Variants in PTPRD observed in about 807,000 individuals in gnomAD.
PTPRD encodes the protein receptor-type tyrosine-protein phosphatase delta.
PTPRD carries 34 observed loss-of-function variants against 214.5 expected under a neutral mutation model. The ratio of observed to expected loss-of-function variants is 0.16; its 90% CI spans 0.12 to 0.21. PTPRD has a LOEUF of 0.21. Among genes scored for constraint, PTPRD ranks in the 10% least tolerant of loss-of-function variants. PTPRD has a pLI of 1.00. For missense variants in PTPRD, 2,545 were observed against 2,398.7 expected (o/e 1.06, Z -1.27); for synonymous variants, 1,128 against 845.7 (o/e 1.33, Z -5.79).
intron 34 of PTPRD, among the ~76,000 whole-genome samples, chr9:8,448,167 TA>T (rs910530391): frequency 2.1e-4 from 31 of 145,880 alleles, no homozygotes; most frequent in Middle Eastern, 3.6e-3. Context: ...TCCACAAAAA[TA>T]AAAAAAAAAA....
chr9:8,396,915 A>G (rs893718922), intron 36 of PTPRD, among the ~76,000 whole-genome samples: 1 of 152,166 alleles, frequency 6.6e-6, no homozygotes, highest in Admixed American at 6.6e-5. Flanking sequence ...TGCTACTCAA[A>G]AAAAGGAAGT....
chr9:8,425,422 A>G (rs2031214), intron 35 of PTPRD, among the ~76,000 whole-genome samples: 78,346 of 151,852 alleles, frequency 0.52, 20,636 homozygotes, highest in East Asian at 0.74. Context: ...ATCACCTTTC[A>G]CACCTCACCT....
chr9:8,386,347 C>T (rs1276402396), intron 37 of PTPRD, among the ~76,000 whole-genome samples: 1 of 152,166 alleles, frequency 6.6e-6, no homozygotes, highest in East Asian at 1.9e-4. Flanking sequence ...TCCTTTTCTC[C>T]CCTCTTCCCT....
chr9:8,855,695 G>A (rs912855788), intron 11 of PTPRD, among the ~76,000 whole-genome samples: 9 of 152,006 alleles, frequency 5.9e-5, no homozygotes, highest in Admixed American at 5.2e-4. Context: ...AAATCTAAAC[G>A]TATTTCCCAG....
rs552118681 is a variant in PTPRD at position 10,258,314 on chromosome 9, T to A, written c.-545+82649A>T. ...CATGGTCATGGGAGCTGAGGGCTTTTGGGAGGGTGAAAAATGTTGCATTAA... is the reference window on the plus strand; with the variant it reads ...CATGGTCATGGGAGCTGAGGGCTTTAGGGAGGGTGAAAAATGTTGCATTAA... On this transcript the variant is annotated intron_variant, in intron 3 of 45. Transcript: ENST00000381196. 3.3e-5 allele frequency among the ~76,000 whole-genome samples: 5 copies of A among 152,126 alleles called. No homozygotes were observed. In the East Asian group the frequency reaches 7.7e-4, roughly 23 times the overall value.
At chr9:10,120,839 A>G (rs2098768950) in intron 3 of PTPRD, among the ~76,000 whole-genome samples, 4 of 152,234 alleles carry the variant, frequency 2.6e-5, no homozygotes, top group East Asian at 1.9e-4. Context: ...CAACCCTGCT[A>G]TCAATCTCAC....
At chr9:9,059,476 A>C (rs1404056389) in intron 10 of PTPRD, among the ~76,000 whole-genome samples, 2 of 152,142 alleles carry the variant, frequency 1.3e-5, no homozygotes, top group East Asian at 3.9e-4. Flanking sequence ...AGAAGAAAAA[A>C]CCAGAAAATA....
rs2096950423 is a variant in PTPRD, at chr9:9,677,175, T to C, written c.-287+57358A>G. On this transcript the variant is annotated intron_variant, in intron 7 of 45. Transcript: ENST00000381196. ...TTTTGGCTTTTGTTGCCATTGCTTT[T>C]TGGTGTTTTAGACATGAAGTCCTTG... Among the ~76,000 whole-genome samples the C allele has an allele frequency of 2.0e-5, 3 of 152,188 alleles. No homozygotes were observed. The South Asian group carries it at 6.2e-4, about 31-fold the overall frequency.
chr9:9,722,691 A>T (rs2097981944), intron 7 of PTPRD, among the ~76,000 whole-genome samples: 1 of 152,074 alleles, frequency 6.6e-6, no homozygotes, highest in African/African-American at 2.4e-5. Context: ...CCAGCAATTG[A>T]TAACAATTCC....
At chr9:9,171,348 T>C (rs978468158) in intron 10 of PTPRD, among the ~76,000 whole-genome samples, 3 of 149,374 alleles carry the variant, frequency 2.0e-5, no homozygotes, top group Admixed American at 6.7e-5. Context: ...ATATTATATA[T>C]AAATATAATT....
intron 8 of PTPRD, among the ~76,000 whole-genome samples, chr9:9,462,325 T>C (rs1486833932): frequency 1.3e-5 from 2 of 152,158 alleles, no homozygotes; most frequent in Non-Finnish European, 2.9e-5. Flanking sequence ...GGAACTGACA[T>C]TCATTTGAAA....
At chr9:8,378,932 T>C (rs1446618052) in intron 37 of PTPRD, among the ~76,000 whole-genome samples, 1 of 152,040 alleles carries the variant, frequency 6.6e-6, no homozygotes, top group Admixed American at 6.6e-5. Context: ...ATACTAATCC[T>C]TACATTTCTA....
chr9:8,500,686 C>A (rs992220479), intron 24 of PTPRD, 68 bp downstream of exon 24: 10 of 1,473,494 alleles, frequency 6.8e-6, no homozygotes, highest in Non-Finnish European at 9.3e-6. Flanking sequence ...TTACTGTGAG[C>A]CTATTGAAAG....
intron 6 of PTPRD, among the ~76,000 whole-genome samples, chr9:9,761,758 T>C (rs1216814875): frequency 6.6e-6 from 1 of 152,174 alleles, no homozygotes; most frequent in Non-Finnish European, 1.5e-5. Flanking sequence ...TTCATTATCA[T>C]TCCATCAAAT....
At chr9:10,534,045 T>A (rs1013830496) in intron 2 of PTPRD, among the ~76,000 whole-genome samples, 3 of 151,710 alleles carry the variant, frequency 2.0e-5, no homozygotes, top group African/African-American at 7.2e-5. Flanking sequence ...TGTATTTTTA[T>A]TTGAAACCAA....
At chr9:10,469,126 A>C (rs1296308789) in intron 2 of PTPRD, among the ~76,000 whole-genome samples, 1 of 152,150 alleles carries the variant, frequency 6.6e-6, no homozygotes, top group Non-Finnish European at 1.5e-5. Flanking sequence ...ACTAGATTTC[A>C]TAGCTGGCAA....
In PTPRD at chr9:10,097,179, C is replaced by T. The variant is rs540736372; in HGVS notation, c.-544-63389G>A. 5.5e-5 allele frequency among the ~76,000 whole-genome samples: 8 copies of T among 145,078 alleles called. 2 individuals carry two copies. The Middle Eastern group carries it at 0.011, about 200-fold the overall frequency. On this transcript the variant is annotated intron_variant, in intron 3 of 45. Coordinates refer to ENST00000381196, the MANE Select transcript of PTPRD (RefSeq NM_002839.4). ...TTTGAAGTCAGGTAACAGGATGCCT[C>T]CAGCTTTGTTCTTTTGGCTTAGGAT...
intron 8 of PTPRD, among the ~76,000 whole-genome samples, chr9:9,443,025 T>C (rs1317919417): frequency 6.6e-6 from 1 of 152,150 alleles, no homozygotes; most frequent in Non-Finnish European, 1.5e-5. Context: ...CTTTCTTAAA[T>C]TGGCTTTAAA....
chr9:9,702,314 A>G (rs2097522659), intron 7 of PTPRD, among the ~76,000 whole-genome samples: 1 of 152,006 alleles, frequency 6.6e-6, no homozygotes, highest in African/African-American at 2.4e-5. Context: ...AATTGGTAAC[A>G]AGAGAGGAAT....
Sources: allele counts gnomAD v4.1 joint callset (sites outside exome capture counted in the v4.1 genomes callset), GRCh38; gene constraint gnomAD v4.1.1; transcripts MANE v1.5; gene names NCBI Gene and HGNC (gene_info 2026-07-23, HGNC 2026-07-21).